Variants in XKR9 observed in about 807,000 individuals in gnomAD.
The protein encoded by XKR9 is XK related 9.
XKR9 carries 32 observed loss-of-function variants against 32.0 expected under a neutral mutation model. The observed-to-expected ratio is 1.00, with a 90% CI of 0.76 to 1.34. The LOEUF (loss-of-function observed/expected upper bound fraction) is 1.34. Ranked by LOEUF, XKR9 falls within the 40% of genes most tolerant of loss-of-function variation. XKR9 has a pLI of 0.00. For missense variants in XKR9, 546 were observed against 429.7 expected (o/e 1.27, Z -2.39); for synonymous variants, 168 against 143.4 (o/e 1.17, Z -1.22).
the XKR9 span, among the ~76,000 whole-genome samples, chr8:70,985,111 AATG>A: frequency 6.6e-6 from 1 of 152,224 alleles, no homozygotes; most frequent in African/African-American, 2.4e-5. Context: ...TACAAAGCAA[AATG>A]ATATTTAATA....
intron 3 of XKR9, among the ~76,000 whole-genome samples, chr8:70,699,807 C>G (rs1438109553): frequency 6.6e-6 from 1 of 152,162 alleles, no homozygotes; most frequent in African/African-American, 2.4e-5. Flanking sequence ...CTCCCTGTCA[C>G]TTTCAGGAAC....
the XKR9 span, among the ~76,000 whole-genome samples, chr8:70,916,472 A>C: frequency 6.6e-6 from 1 of 152,112 alleles, no homozygotes; most frequent in Non-Finnish European, 1.5e-5. Flanking sequence ...TCTATTTTTT[A>C]ACTACTTGAA....
At chr8:70,671,134 C>A (rs553963635) in intron 1 of XKR9, among the ~76,000 whole-genome samples, 1 of 152,186 alleles carries the variant, frequency 6.6e-6, no homozygotes, top group Non-Finnish European at 1.5e-5. Flanking sequence ...TGAACTCAAG[C>A]GATTCAGGTG....
the XKR9 span, among the ~76,000 whole-genome samples, chr8:70,955,295 T>C: frequency 6.6e-6 from 1 of 152,168 alleles, no homozygotes; most frequent in African/African-American, 2.4e-5. Context: ...GGAAGGCCTT[T>C]GCTTGGTTCA....
chr8:70,686,992 A>C (rs1819303410), intron 3 of XKR9, among the ~76,000 whole-genome samples: 1 of 152,204 alleles, frequency 6.6e-6, no homozygotes, highest in Non-Finnish European at 1.5e-5. Context: ...GTTATTTAAA[A>C]ATACACAGTA....
the XKR9 span, among the ~76,000 whole-genome samples, chr8:70,819,713 A>G: frequency 6.6e-6 from 1 of 152,220 alleles, no homozygotes; most frequent in Non-Finnish European, 1.5e-5. Flanking sequence ...TTGCAAATGT[A>G]AAGTAATACT....
chr8:70,933,033 G>A, the XKR9 span, among the ~76,000 whole-genome samples: 44 of 152,148 alleles, frequency 2.9e-4, no homozygotes, highest in African/African-American at 9.9e-4. Context: ...ACAGGTTTCC[G>A]ACCCTCTAAA....
chr8:70,775,872 G>A (rs1483712855), intron 2 of XKR9, among the ~76,000 whole-genome samples: 1 of 151,822 alleles, frequency 6.6e-6, no homozygotes, highest in African/African-American at 2.4e-5. Flanking sequence ...AGCCTCCTGA[G>A]TAGCTGGGAC....
At chr8:71,004,308 T>C in the XKR9 span, among the ~76,000 whole-genome samples, 1 of 152,132 alleles carries the variant, frequency 6.6e-6, no homozygotes, top group Non-Finnish European at 1.5e-5. Context: ...ATACACAATC[T>C]GGCCACACAG....
the XKR9 span, among the ~76,000 whole-genome samples, chr8:70,876,065 G>A: frequency 3.3e-5 from 5 of 152,256 alleles, no homozygotes; most frequent in Non-Finnish European, 5.9e-5. Flanking sequence ...GATTCTTAGA[G>A]TGGTATTCAA....
At chr8:71,015,505 A>G in the XKR9 span, among the ~76,000 whole-genome samples, 8 of 152,184 alleles carry the variant, frequency 5.3e-5, no homozygotes, top group African/African-American at 1.9e-4. Context: ...AGCTCTACAT[A>G]GCAAAATGTG....
intron 3 of XKR9, among the ~76,000 whole-genome samples, chr8:70,698,645 A>G (rs1445897223): frequency 2.6e-5 from 4 of 152,160 alleles, no homozygotes; most frequent in East Asian, 3.9e-4. Flanking sequence ...GTGGTGCTGA[A>G]AAAAATGTAT....
chr8:70,919,068 C>T, the XKR9 span, among the ~76,000 whole-genome samples: 8 of 152,032 alleles, frequency 5.3e-5, no homozygotes, highest in African/African-American at 1.2e-4. Context: ...TGAGCCACTG[C>T]GCCCGGCCGA....
chr8:70,930,111 G>C, the XKR9 span, among the ~76,000 whole-genome samples: 47 of 152,226 alleles, frequency 3.1e-4, no homozygotes, highest in Admixed American at 6.5e-4. Flanking sequence ...TTTGGGTTTT[G>C]AATTTTTTTC....
the XKR9 span, among the ~76,000 whole-genome samples, chr8:70,886,899 G>A: frequency 8.8e-4 from 134 of 152,044 alleles, 1 homozygote; most frequent in Middle Eastern, 3.4e-3. Context: ...ATTAGATCCC[G>A]TTTGTCAATT....
At chr8:70,961,976 T>G in the XKR9 span, among the ~76,000 whole-genome samples, 1 of 152,178 alleles carries the variant, frequency 6.6e-6, no homozygotes, top group Admixed American at 6.5e-5. Context: ...TTTTAAAAAA[T>G]TATTTTGGGG....
intron 4 of XKR9, among the ~76,000 whole-genome samples, chr8:70,711,772 A>G (rs1805927731): frequency 1.2e-5 from 1 of 82,872 alleles, no homozygotes; most frequent in Non-Finnish European, 3.1e-5. Flanking sequence ...ACCCCTTGAA[A>G]CTTAAAAGTT....
At chr8:71,002,139 CT>C in the XKR9 span, among the ~76,000 whole-genome samples, 1 of 152,024 alleles carries the variant, frequency 6.6e-6, no homozygotes, top group African/African-American at 2.4e-5. Context: ...AATTCCACTA[CT>C]GTTTTCAGGC....
At chr8:70,748,636 G>T (rs1807092045) in intron 2 of XKR9, among the ~76,000 whole-genome samples, 1 of 152,222 alleles carries the variant, frequency 6.6e-6, no homozygotes, top group African/African-American at 2.4e-5. Context: ...ATGGCATGTT[G>T]ATGGTAGCAG....
Sources: allele counts gnomAD v4.1 joint callset (sites outside exome capture counted in the v4.1 genomes callset), GRCh38; gene constraint gnomAD v4.1.1; transcripts MANE v1.5; gene names NCBI Gene and HGNC (gene_info 2026-07-23, HGNC 2026-07-21).